Variants in GALNT13 observed in about 807,000 individuals in gnomAD.
GALNT13 encodes polypeptide N-acetylgalactosaminyltransferase 13.
GALNT13 carries 28 observed loss-of-function variants against 64.2 expected under a neutral mutation model. That is an observed-to-expected ratio of 0.44 (90% CI 0.32 to 0.60). The LOEUF is 0.60. Ranked by LOEUF, GALNT13 falls within the 20% of genes least tolerant of loss-of-function variation. The probability of loss-of-function intolerance (pLI) is 0.05; values close to 1 mark genes in which losing one functional copy is unlikely to be tolerated. For missense variants in GALNT13, 577 were observed against 669.8 expected (o/e 0.86, Z 1.53); for synonymous variants, 214 against 224.6 (o/e 0.95, Z 0.42).
At chr2:153,442,734 A>G in the GALNT13 span, among the ~76,000 whole-genome samples, 4 of 152,142 alleles carry the variant, frequency 2.6e-5, no homozygotes, top group African/African-American at 9.7e-5. Flanking sequence ...TCTTTCAGAG[A>G]TGCCCTGCCC....
intron 9 of GALNT13, among the ~76,000 whole-genome samples, chr2:154,374,369 T>C (rs1697860881): frequency 6.6e-6 from 1 of 152,166 alleles, no homozygotes; most frequent in Non-Finnish European, 1.5e-5. Context: ...TAAAAGCATA[T>C]GGGGAGACAG....
At chr2:153,966,683 T>A (rs977151474) in intron 3 of GALNT13, among the ~76,000 whole-genome samples, 5 of 151,992 alleles carry the variant, frequency 3.3e-5, no homozygotes, top group African/African-American at 9.7e-5. Context: ...ATTTTTTTTT[T>A]ATCCTTGACC....
chr2:153,826,006 T>C, the GALNT13 span, among the ~76,000 whole-genome samples: 1 of 152,146 alleles, frequency 6.6e-6, no homozygotes, highest in Non-Finnish European at 1.5e-5. Flanking sequence ...CATGTCTAAT[T>C]ACTCATGCCA....
the GALNT13 span, among the ~76,000 whole-genome samples, chr2:153,865,515 C>T: frequency 8.2e-6 from 1 of 122,518 alleles, no homozygotes; most frequent in Non-Finnish European, 1.7e-5. Flanking sequence ...TGAACAGACA[C>T]TTCTCAAAAG....
intron 11 of GALNT13, among the ~76,000 whole-genome samples, chr2:154,424,818 C>T (rs185653386): frequency 1.1e-4 from 16 of 152,328 alleles, no homozygotes; most frequent in South Asian, 6.2e-4. Context: ...ATATTCCTAA[C>T]GAACGACTTG....
chr2:153,839,673 T>C, the GALNT13 span, among the ~76,000 whole-genome samples: 2 of 151,950 alleles, frequency 1.3e-5, no homozygotes, highest in Non-Finnish European at 2.9e-5. Context: ...TATTCATAAT[T>C]TGCAACTTCA....
At chr2:153,646,724 C>T in the GALNT13 span, among the ~76,000 whole-genome samples, 4 of 151,880 alleles carry the variant, frequency 2.6e-5, no homozygotes, top group Non-Finnish European at 2.9e-5. Flanking sequence ...TTGGTTTTTT[C>T]GTCCTTGCGA....
At chr2:153,741,692 T>C in the GALNT13 span, among the ~76,000 whole-genome samples, 74 of 152,188 alleles carry the variant, frequency 4.9e-4, 4 homozygotes, top group South Asian at 0.015. Context: ...TCAAGCTGAT[T>C]TGTAGAGGTA....
At chr2:153,618,635 T>G in the GALNT13 span, among the ~76,000 whole-genome samples, 1 of 151,950 alleles carries the variant, frequency 6.6e-6, no homozygotes, top group Non-Finnish European at 1.5e-5. Flanking sequence ...AGTCTTCTGC[T>G]ATTATTGTTT....
the GALNT13 span, among the ~76,000 whole-genome samples, chr2:153,089,910 C>A: frequency 6.6e-6 from 1 of 152,036 alleles, no homozygotes; most frequent in African/African-American, 2.4e-5. Flanking sequence ...TCTTAATAAC[C>A]AACCTTCTGA....
At chr2:154,348,391 G>T (rs1482555803) in intron 9 of GALNT13, among the ~76,000 whole-genome samples, 1 of 151,948 alleles carries the variant, frequency 6.6e-6, no homozygotes, top group Non-Finnish European at 1.5e-5. Context: ...TGTTAATAGT[G>T]CTTAATAGTT....
intron 9 of GALNT13, among the ~76,000 whole-genome samples, chr2:154,324,838 T>G (rs1694799038): frequency 6.6e-6 from 1 of 152,110 alleles, no homozygotes; most frequent in South Asian, 2.1e-4. Context: ...TGAGTCTATT[T>G]ATAATAGGTG....
At position 154,211,591 on chromosome 2, in the gene GALNT13, G is replaced by T. The variant is rs146560372; in HGVS notation, c.312-30439G>T. Among the ~76,000 whole-genome samples the T allele has an allele frequency of 3.1e-3, 363 of 115,594 alleles. 3 individuals carry two copies. The highest frequency in any genetic ancestry group is 0.012 in the African/African-American group (359 of 29,608). The allele number at this position is 115,594 out of a possible 152,430, so 75.8% of individuals were successfully genotyped here. On this transcript the variant is annotated intron_variant, in intron 4 of 12. Transcript: ENST00000392825. The stretch of plus-strand genomic sequence containing the variant: ...TGCAGTGAGCCAAGATTGCACCATT[G>T]CACTCCAGCCTGGGCAACAAGAGCG...
the GALNT13 span, among the ~76,000 whole-genome samples, chr2:153,346,143 T>C: frequency 2.0e-5 from 3 of 152,158 alleles, no homozygotes. Flanking sequence ...CAGCTTGGTC[T>C]TGAACTCCGA....
intron 4 of GALNT13, among the ~76,000 whole-genome samples, chr2:154,145,688 A>G (rs1683551044): frequency 6.6e-6 from 1 of 152,008 alleles, no homozygotes. Context: ...GCAGCCTTAC[A>G]TTATTAGTGG....
rs1574143592 is a variant in GALNT13, at chr2:153,932,555, A to C, written c.-104-11839A>C. Reference sequence around the variant, plus strand: ...GTTTGCCCAAAAGTCATTCAGGAGCAGGTTAATTTCCATGTAATTGTATGT... The same window carrying C: ...GTTTGCCCAAAAGTCATTCAGGAGCCGGTTAATTTCCATGTAATTGTATGT... On this transcript the variant is annotated intron_variant, in intron 2 of 12. Coordinates refer to ENST00000392825, the MANE Select transcript of GALNT13 (RefSeq NM_052917.4). Among the ~76,000 whole-genome samples, 4 of 150,814 alleles carry C rather than the reference A, an allele frequency of 2.7e-5. No individual in the cohort carries two copies. In the South Asian group the frequency reaches 8.3e-4, roughly 31 times the overall value.
chr2:154,224,250 C>A (rs561295140), intron 4 of GALNT13, among the ~76,000 whole-genome samples: 1 of 152,108 alleles, frequency 6.6e-6, no homozygotes, highest in South Asian at 2.1e-4. Flanking sequence ...GTTTAGGTTA[C>A]ACAAGTGTAA....
the GALNT13 span, among the ~76,000 whole-genome samples, chr2:153,244,866 C>A: frequency 6.6e-6 from 1 of 152,190 alleles, no homozygotes; most frequent in Non-Finnish European, 1.5e-5. Flanking sequence ...GCCCAGCAAG[C>A]TAAGAACCAC....
the GALNT13 span, among the ~76,000 whole-genome samples, chr2:153,627,088 T>C: frequency 6.6e-6 from 1 of 152,090 alleles, no homozygotes; most frequent in African/African-American, 2.4e-5. Context: ...TTGAGCATTG[T>C]TGTGTGGGAA....
Sources: gnomAD v4.1 joint callset for allele counts (sites outside exome capture counted in the v4.1 genomes callset) on GRCh38, gnomAD v4.1.1 for gene constraint, MANE v1.5 for transcripts, NCBI Gene and HGNC (gene_info 2026-07-23, HGNC 2026-07-21) for gene names.